The following ST8SIA1 variants were observed in gnomAD, a reference collection of about 807,000 sequenced individuals.
ST8SIA1 encodes ST8 alpha-N-acetyl-neuraminide alpha-2,8-sialyltransferase 1.
Under a neutral mutation model 35.9 loss-of-function variants are expected in ST8SIA1, and 16 were observed. The observed-to-expected ratio is 0.45, with a 90% CI of 0.30 to 0.68. ST8SIA1 has a LOEUF of 0.68. Ranked by LOEUF, ST8SIA1 falls within the 30% of genes least tolerant of loss-of-function variation. The pLI, the probability that ST8SIA1 is intolerant of heterozygous loss-of-function variation, is 0.09. For synonymous variants in ST8SIA1, 170 were observed against 169.6 expected (o/e 1.00, Z -0.02); for missense variants, 383 against 453.6 (o/e 0.84, Z 1.41).
chr12:22,243,520 C>A (rs1013105063), intron 4 of ST8SIA1, among the ~76,000 whole-genome samples: 2 of 151,952 alleles, frequency 1.3e-5, no homozygotes, highest in African/African-American at 4.8e-5. Flanking sequence ...CTTTGTTTAC[C>A]ACCCTGTTTG....
At chr12:22,289,900 A>G (rs918994470) in intron 1 of ST8SIA1, among the ~76,000 whole-genome samples, 2 of 152,252 alleles carry the variant, frequency 1.3e-5, no homozygotes, top group South Asian at 2.1e-4. Flanking sequence ...ATTTATGGAC[A>G]GTGAAACTGA....
chr12:22,283,466 G>C (rs1238412287), intron 2 of ST8SIA1, among the ~76,000 whole-genome samples: 1 of 152,196 alleles, frequency 6.6e-6, no homozygotes, highest in African/African-American at 2.4e-5. Flanking sequence ...GGCTAAGCAG[G>C]AAAGAGCTGG....
chr12:22,247,560 A>G (rs1411748902), intron 4 of ST8SIA1, among the ~76,000 whole-genome samples: 1 of 152,164 alleles, frequency 6.6e-6, no homozygotes, highest in Non-Finnish European at 1.5e-5. Flanking sequence ...AATTACTCTT[A>G]TAAGAACAAA....
chr12:22,205,715 C>G (rs987482256), intron 4 of ST8SIA1, among the ~76,000 whole-genome samples: 1 of 151,584 alleles, frequency 6.6e-6, no homozygotes, highest in Non-Finnish European at 1.5e-5. Context: ...GCCAGGAGTT[C>G]GAGACCAGCC....
chr12:22,300,425 C>G (rs936483984), intron 1 of ST8SIA1, among the ~76,000 whole-genome samples: 9 of 152,142 alleles, frequency 5.9e-5, no homozygotes, highest in Non-Finnish European at 1.3e-4. Context: ...CAAAGGCACA[C>G]TAATGCAAGA....
intron 4 of ST8SIA1, among the ~76,000 whole-genome samples, chr12:22,246,473 T>A (rs1412185461): frequency 1.3e-5 from 2 of 152,184 alleles, no homozygotes; most frequent in Non-Finnish European, 2.9e-5. Context: ...GTACAATGCC[T>A]AAAATCTTTA....
intron 1 of ST8SIA1, among the ~76,000 whole-genome samples, chr12:22,312,563 T>C (rs546272511): frequency 6.6e-6 from 1 of 152,272 alleles, no homozygotes; most frequent in Non-Finnish European, 1.5e-5. Context: ...AGACATGTTT[T>C]TTCAGTGCAT....
At chr12:22,270,457 C>T (rs959403170) in intron 2 of ST8SIA1, among the ~76,000 whole-genome samples, 11 of 152,278 alleles carry the variant, frequency 7.2e-5, no homozygotes, top group East Asian at 3.9e-4. Flanking sequence ...ATGTTTCCTA[C>T]GCACTTTCCT....
intron 2 of ST8SIA1, among the ~76,000 whole-genome samples, chr12:22,274,791 T>C (rs74711439): frequency 3.2e-4 from 48 of 152,314 alleles, no homozygotes; most frequent in African/African-American, 1.1e-3. Flanking sequence ...GCAAAGGTTT[T>C]GGGAAAAGCA....
intron 1 of ST8SIA1, among the ~76,000 whole-genome samples, chr12:22,290,652 G>A (rs144955964): frequency 3.3e-5 from 5 of 152,272 alleles, no homozygotes; most frequent in African/African-American, 1.2e-4. Flanking sequence ...CATATCCAGG[G>A]TTGCAGGAAG....
chr12:22,203,672 C>A (rs1865074670), intron 4 of ST8SIA1, among the ~76,000 whole-genome samples: 5 of 152,122 alleles, frequency 3.3e-5, no homozygotes, highest in Admixed American at 3.3e-4. Flanking sequence ...CACATTCAAC[C>A]ATATCTGGAG....
chr12:22,307,737 G>A (rs965045579), intron 1 of ST8SIA1, among the ~76,000 whole-genome samples: 1 of 152,032 alleles, frequency 6.6e-6, no homozygotes, highest in African/African-American at 2.4e-5. Context: ...GATGTCTTTT[G>A]TCTGCTATTT....
Position 22,255,336 on chromosome 12 carries a change from C to T in ST8SIA1, c.435G>A (p.Gly145=). 1 of 1,614,180 alleles carries T rather than the reference C, an allele frequency of 6.2e-7. No individual in the cohort carries two copies. The highest frequency in any genetic ancestry group is 8.5e-7 in the Non-Finnish European group (1 of 1,180,016). Residue 145 remains glycine (G), a synonymous_variant, in exon 3 of 5, where the codon GGG becomes GGA. Transcript: ENST00000396037. ...GGCCACAGCCACTCTTCTTCAGAAT[C>T]CCACCATTTCCCACCACCGCGCATT... ...LKKCAVVGNG[G]ILKKSGCGRQ...
At chr12:22,284,533 T>C (rs1208530995) in intron 2 of ST8SIA1, among the ~76,000 whole-genome samples, 1 of 152,206 alleles carries the variant, frequency 6.6e-6, no homozygotes, top group Non-Finnish European at 1.5e-5. Context: ...TTTCCAGTGA[T>C]GCAAACTGGT....
At chr12:22,219,900 A>G (rs1252390458) in intron 4 of ST8SIA1, among the ~76,000 whole-genome samples, 2 of 152,150 alleles carry the variant, frequency 1.3e-5, no homozygotes, top group African/African-American at 4.8e-5. Context: ...AAAAGAACCA[A>G]CTACCAGATT....
At chr12:22,262,446 T>C (rs1280707761) in intron 2 of ST8SIA1, among the ~76,000 whole-genome samples, 1 of 152,078 alleles carries the variant, frequency 6.6e-6, no homozygotes, top group Non-Finnish European at 1.5e-5. Flanking sequence ...CCCCCAACCC[T>C]GAACAGCAGA....
chr12:22,304,620 A>C (rs1464865590), intron 1 of ST8SIA1, among the ~76,000 whole-genome samples: 1 of 152,228 alleles, frequency 6.6e-6, no homozygotes, highest in Non-Finnish European at 1.5e-5. Context: ...ATTGACTAAA[A>C]TAATTATTGC....
At chr12:22,223,736 G>C in intron 4 of ST8SIA1, 2 of 1,257,902 alleles carry the variant, frequency 1.6e-6, no homozygotes, top group Non-Finnish European at 2.0e-6. Context: ...CCTTAATCAA[G>C]AATCTATTTC....
At position 22,199,119 on chromosome 12, in the gene ST8SIA1, A is replaced by C. The variant is rs929309015; in HGVS notation, c.*2433T>G. The C allele has an allele frequency of 6.6e-6, 1 of 151,726 alleles. No individual in the cohort carries two copies. Among genetic ancestry groups the C allele is most frequent in the Admixed American group, 6.6e-5 (1 of 15,194 alleles). 9.4% of individuals were successfully genotyped at this position (151,726 alleles called of 1,614,324 possible). A position where few individuals can be genotyped will look rare whatever the true frequency, so the allele number is the denominator to read the frequency against. ...AATCTATCCCAGGCATCATAAAAAG[A>C]TGAAAAATTTCCACATAATATTTTC... On this transcript the variant is annotated 3_prime_UTR_variant, in exon 5 of 5. Coordinates refer to ENST00000396037, the MANE Select transcript of ST8SIA1 (RefSeq NM_003034.4).
Sources: allele counts gnomAD v4.1 joint callset (sites outside exome capture counted in the v4.1 genomes callset), GRCh38; gene constraint gnomAD v4.1.1; transcripts MANE v1.5; gene names NCBI Gene and HGNC (gene_info 2026-07-23, HGNC 2026-07-21).